The following NOVA1 variants were observed in gnomAD, a reference collection of about 807,000 sequenced individuals.
NOVA1 encodes NOVA alternative splicing regulator 1.
Under a neutral mutation model 38.0 loss-of-function variants are expected in NOVA1, and 7 were observed. That is an observed-to-expected ratio of 0.18 (90% CI 0.10 to 0.35). The LOEUF is 0.35. Among genes scored for constraint, NOVA1 ranks in the 10% least tolerant of loss-of-function variants. The pLI is 1.00. For synonymous variants in NOVA1, 270 were observed against 232.5 expected, an observed-to-expected ratio of 1.16 and a Z score of -1.47; for missense variants, 460 against 616.0, an observed-to-expected ratio of 0.75 and a Z score of 2.68.
chr14:26,596,039 T>A, intron 1 of NOVA1: 1 of 263,172 alleles, frequency 3.8e-6, no homozygotes, highest in Non-Finnish European at 7.5e-6. Flanking sequence ...AATTAGCCAT[T>A]GCCTATATCC....
chr14:26,596,666 C>G (rs1894210563), intron 1 of NOVA1: 1 of 1,288,998 alleles, frequency 7.8e-7, no homozygotes, highest in African/African-American at 1.5e-5. Flanking sequence ...TCCAAGGAAG[C>G]GCAGGATGTT....
At chr14:26,514,320 A>C (rs1888307919) in intron 2 of NOVA1, among the ~76,000 whole-genome samples, 1 of 151,684 alleles carries the variant, frequency 6.6e-6, no homozygotes, top group South Asian at 2.1e-4. Context: ...TGTACCTCCT[A>C]TCCTTGAGGA....
chr14:26,453,175 T>TGTAG, intron 4 of NOVA1, among the ~76,000 whole-genome samples: 1 of 31,126 alleles, frequency 3.2e-5, no homozygotes, highest in African/African-American at 7.2e-5. Context: ...TATGTATGTA[T>TGTAG]GTATGTATGT....
Position 26,447,759 on chromosome 14 carries a change from C to T in NOVA1, c.*200G>A. 3.4e-6 allele frequency: 2 copies of T among 595,888 alleles called. No individual in the cohort carries two copies. The highest frequency in any genetic ancestry group is 6.0e-6 in the Non-Finnish European group (2 of 335,474). 36.9% of individuals were successfully genotyped at this position (595,888 alleles called of 1,614,324 possible). ...CACAAGCAAAGTATAGAGAACAAAA[C>T]AGATCAAGAAAAAATTCTTTCTATG... is the stretch of plus-strand genomic sequence containing the variant. On this transcript the variant is annotated 3_prime_UTR_variant, in exon 5 of 5. Coordinates refer to ENST00000539517, the MANE Select transcript of NOVA1 (RefSeq NM_002515.3).
chr14:26,512,433 T>C (rs1366601298), intron 2 of NOVA1, among the ~76,000 whole-genome samples: 1 of 152,212 alleles, frequency 6.6e-6, no homozygotes, highest in African/African-American at 2.4e-5. Flanking sequence ...ACTCACCACC[T>C]GTTTTTGTGA....
At chr14:26,498,309 G>A (rs1000942677) in intron 2 of NOVA1, among the ~76,000 whole-genome samples, 4 of 151,372 alleles carry the variant, frequency 2.6e-5, no homozygotes, top group Admixed American at 1.3e-4. Context: ...CTCGTGATCC[G>A]CCCGCCTCGG....
At chr14:26,456,964 T>TACAC (rs558411232) in intron 4 of NOVA1, among the ~76,000 whole-genome samples, 2 of 143,442 alleles carry the variant, frequency 1.4e-5, no homozygotes, top group African/African-American at 5.2e-5. Flanking sequence ...CACAAATATA[T>TACAC]ACACACACAC....
At chr14:26,489,911 G>C (rs185668671) in intron 2 of NOVA1, among the ~76,000 whole-genome samples, 1 of 152,246 alleles carries the variant, frequency 6.6e-6, no homozygotes, top group Non-Finnish European at 1.5e-5. Flanking sequence ...GTACAATTCA[G>C]TGGTATTAAT....
Position 26,443,540 on chromosome 14 carries a change from C to CT in NOVA1, c.*4418dup, listed in dbSNP as rs538983811. ...AATTAACATGACAAGTTCTCTAATA[C>CT]TTTCATTTTTTGAAAGAAAAGTTAT... On this transcript the variant is annotated 3_prime_UTR_variant, in exon 5 of 5. Transcript: ENST00000539517. 3.3e-5 allele frequency: 5 copies of CT among 152,218 alleles called. No homozygotes were observed. The highest frequency in any genetic ancestry group is 1.3e-4 in the Admixed American group (2 of 15,228). 9.4% of individuals were successfully genotyped at this position (152,218 alleles called of 1,614,324 possible).
At chr14:26,589,783 T>C (rs150161931) in intron 2 of NOVA1, among the ~76,000 whole-genome samples, 240 of 151,930 alleles carry the variant, frequency 1.6e-3, no homozygotes, top group African/African-American at 5.4e-3. Flanking sequence ...CCTTGTTTTA[T>C]GTACATTCTA....
intron 2 of NOVA1, among the ~76,000 whole-genome samples, chr14:26,490,844 T>TA (rs1886276811): frequency 4.2e-5 from 1 of 23,788 alleles, no homozygotes; most frequent in Non-Finnish European, 1.7e-4. Flanking sequence ...TCTGGCTAGT[T>TA]TTTTTTTTTT....
chr14:26,481,650 TGGA>T (rs1594371986), intron 2 of NOVA1, among the ~76,000 whole-genome samples: 1 of 152,222 alleles, frequency 6.6e-6, no homozygotes, highest in East Asian at 1.9e-4. Flanking sequence ...TTTGTAAGGG[TGGA>T]TAAAGCCTGA....
intron 2 of NOVA1, among the ~76,000 whole-genome samples, chr14:26,549,045 T>C (rs1891002038): frequency 6.6e-6 from 1 of 152,054 alleles, no homozygotes; most frequent in Non-Finnish European, 1.5e-5. Flanking sequence ...CTATCTTTGA[T>C]ACTTGCAAGG....
intron 2 of NOVA1, among the ~76,000 whole-genome samples, chr14:26,545,207 T>C (rs1890716086): frequency 6.6e-6 from 1 of 151,978 alleles, no homozygotes. Context: ...GGCAGTTACA[T>C]TACATGCAAT....
At chr14:26,460,662 A>C (rs542814959) in intron 4 of NOVA1, among the ~76,000 whole-genome samples, 5 of 152,240 alleles carry the variant, frequency 3.3e-5, no homozygotes, top group Admixed American at 2.6e-4. Context: ...AAATTAGAAA[A>C]ACTAATAACC....
chr14:26,562,104 T>C (rs781354631), intron 2 of NOVA1, among the ~76,000 whole-genome samples: 87 of 152,268 alleles, frequency 5.7e-4, no homozygotes, highest in African/African-American at 1.6e-3. Flanking sequence ...ACTTGCCTTA[T>C]TGGAAGTCAT....
At chr14:26,467,484 T>C (rs1199923742) in intron 4 of NOVA1, among the ~76,000 whole-genome samples, 1 of 152,138 alleles carries the variant, frequency 6.6e-6, no homozygotes, top group Non-Finnish European at 1.5e-5. Flanking sequence ...TAAGTTTTAC[T>C]ACAAAGGAGT....
At chr14:26,562,064 T>A (rs1312634685) in intron 2 of NOVA1, among the ~76,000 whole-genome samples, 2 of 152,146 alleles carry the variant, frequency 1.3e-5, no homozygotes, top group African/African-American at 4.8e-5. Context: ...AGCTGCTAGG[T>A]TTTTGTTTTG....
At chr14:26,508,337 GAA>G (rs1330218391) in intron 2 of NOVA1, among the ~76,000 whole-genome samples, 2 of 151,936 alleles carry the variant, frequency 1.3e-5, no homozygotes, top group East Asian at 3.8e-4. Flanking sequence ...CTTGAAAAGT[GAA>G]AGAGTAAGTA....
Sources: gnomAD v4.1 joint callset for allele counts (sites outside exome capture counted in the v4.1 genomes callset) on GRCh38, gnomAD v4.1.1 for gene constraint, MANE v1.5 for transcripts, NCBI Gene and HGNC (gene_info 2026-07-23, HGNC 2026-07-21) for gene names.